Variants in PXDNL observed in about 807,000 individuals in gnomAD.
PXDNL encodes peroxidasin like.
PXDNL carries 145 observed loss-of-function variants against 150.8 expected under a neutral mutation model. The ratio of observed to expected loss-of-function variants is 0.96; its 90% CI spans 0.84 to 1.10. The LOEUF is 1.10. Among genes scored for constraint, PXDNL ranks in the 50% least tolerant of loss-of-function variants. PXDNL has a pLI of 0.00. For missense variants in PXDNL, 2,087 were observed against 1,873.9 expected (o/e 1.11, Z -2.10); for synonymous variants, 757 against 725.7 (o/e 1.04, Z -0.69).
At chr8:51,708,224 AT>A (rs1356117871) in intron 1 of PXDNL, among the ~76,000 whole-genome samples, 3 of 152,346 alleles carry the variant, frequency 2.0e-5, no homozygotes, top group East Asian at 3.9e-4. Context: ...TGATGAGCAC[AT>A]TGATCGTGAT....
At chr8:51,761,750 T>C (rs2037168818) in intron 1 of PXDNL, among the ~76,000 whole-genome samples, 1 of 152,190 alleles carries the variant, frequency 6.6e-6, no homozygotes, top group Non-Finnish European at 1.5e-5. Flanking sequence ...TGAGAAAAGG[T>C]ATTCCAAAGA....
At chr8:51,772,202 C>A (rs1272040675) in intron 1 of PXDNL, among the ~76,000 whole-genome samples, 1 of 150,924 alleles carries the variant, frequency 6.6e-6, no homozygotes, top group African/African-American at 2.4e-5. Flanking sequence ...CTCTCTCTCT[C>A]TGTCTCTGTC....
At chr8:51,349,470 A>G (rs1806267573) in intron 19 of PXDNL, among the ~76,000 whole-genome samples, 1 of 152,218 alleles carries the variant, frequency 6.6e-6, no homozygotes, top group Non-Finnish European at 1.5e-5. Context: ...AGTCGAATGT[A>G]AACTCATTGC....
chr8:51,534,382 C>T (rs1251810066), intron 4 of PXDNL, among the ~76,000 whole-genome samples: 7 of 146,282 alleles, frequency 4.8e-5, no homozygotes, highest in South Asian at 2.2e-4. Flanking sequence ...CCAGGCCAGC[C>T]GCCCAGTCCG....
intron 3 of PXDNL, among the ~76,000 whole-genome samples, chr8:51,562,828 A>G (rs1458597574): frequency 6.6e-6 from 1 of 151,946 alleles, no homozygotes; most frequent in Non-Finnish European, 1.5e-5. Context: ...AAGGCATAAA[A>G]CTAACCTGAC....
intron 1 of PXDNL, among the ~76,000 whole-genome samples, chr8:51,723,017 C>T (rs1326770743): frequency 1.3e-5 from 2 of 151,920 alleles, no homozygotes; most frequent in Non-Finnish European, 2.9e-5. Context: ...AGATTAGGTG[C>T]TGTATGTGGA....
chr8:51,486,774 A>T (rs868454141), intron 5 of PXDNL, among the ~76,000 whole-genome samples: 2 of 8,884 alleles, frequency 2.3e-4, no homozygotes, highest in Admixed American at 1.7e-3. Context: ...ATATATATAT[A>T]TATATATATA....
chr8:51,401,422 A>G (rs1323978389), intron 17 of PXDNL, among the ~76,000 whole-genome samples: 1 of 152,186 alleles, frequency 6.6e-6, no homozygotes, highest in Non-Finnish European at 1.5e-5. Flanking sequence ...AGCAGCAGAG[A>G]CTAGAGATGA....
intron 2 of PXDNL, among the ~76,000 whole-genome samples, chr8:51,645,068 C>A (rs374082892): frequency 6.6e-6 from 1 of 152,026 alleles, no homozygotes; most frequent in African/African-American, 2.4e-5. Flanking sequence ...CAGGAAAGCC[C>A]GTGGTACAGT....
At chr8:51,754,289 T>A (rs1322153855) in intron 1 of PXDNL, among the ~76,000 whole-genome samples, 2 of 152,136 alleles carry the variant, frequency 1.3e-5, no homozygotes, top group Non-Finnish European at 2.9e-5. Flanking sequence ...AGGTGCCAAA[T>A]CCTGTGAGCA....
At chr8:51,713,352 T>C (rs28562283) in intron 1 of PXDNL, among the ~76,000 whole-genome samples, 1,597 of 152,338 alleles carry the variant, frequency 0.01, 24 homozygotes, top group African/African-American at 0.032. Flanking sequence ...TTTAAATTCC[T>C]AGGCAGTCTT....
At chr8:51,334,385 A>C (rs150564694) in intron 21 of PXDNL, among the ~76,000 whole-genome samples, 1 of 152,148 alleles carries the variant, frequency 6.6e-6, no homozygotes, top group Admixed American at 6.6e-5. Flanking sequence ...GCACAAACAG[A>C]CAATCTAAGA....
chr8:51,628,467 G>T (rs1367710967), intron 2 of PXDNL, among the ~76,000 whole-genome samples: 1 of 135,516 alleles, frequency 7.4e-6, no homozygotes. Flanking sequence ...GTACAGTGGC[G>T]CTGTCTCAGC....
At chr8:51,537,915 C>T (rs1812120095) in intron 4 of PXDNL, among the ~76,000 whole-genome samples, 2 of 152,206 alleles carry the variant, frequency 1.3e-5, no homozygotes, top group Non-Finnish European at 2.9e-5. Flanking sequence ...AGCCACACCA[C>T]TTCCAGCTAG....
chr8:51,722,344 T>C (rs557172924), intron 1 of PXDNL, among the ~76,000 whole-genome samples: 1 of 152,328 alleles, frequency 6.6e-6, no homozygotes, highest in Admixed American at 6.5e-5. Flanking sequence ...CCAGAGCTCC[T>C]GGGCTCTGAC....
chr8:51,422,911 A>C (rs527525597), intron 14 of PXDNL, among the ~76,000 whole-genome samples: 1 of 152,220 alleles, frequency 6.6e-6, no homozygotes, highest in Non-Finnish European at 1.5e-5. Context: ...CAGTCTACTC[A>C]AGTCTGCCTA....
chr8:51,800,854 T>A (rs774868242), intron 1 of PXDNL, among the ~76,000 whole-genome samples: 2 of 152,188 alleles, frequency 1.3e-5, no homozygotes, highest in African/African-American at 2.4e-5. Context: ...GGACCACTAT[T>A]GTACAAATTG....
intron 4 of PXDNL, among the ~76,000 whole-genome samples, chr8:51,545,496 T>C (rs1003998920): frequency 6.6e-6 from 1 of 152,180 alleles, no homozygotes; most frequent in Non-Finnish European, 1.5e-5. Context: ...TATCACAGAC[T>C]GGGTAATTTA....
At position 51,409,134 on chromosome 8, in the gene PXDNL, C is replaced by T. The variant is rs1586082115; in HGVS notation, c.2490G>A (p.Arg830=). The T allele has an allele frequency of 6.2e-7, 1 of 1,604,106 alleles. No homozygotes were observed. The highest frequency in any genetic ancestry group is 1.3e-5 in the African/African-American group (1 of 74,872). ...ALSTARFSDG[R]PCSSVCTNDP... is the part of the protein sequence containing the mutation. ...CGTTGGTGCAGACGGAGCTGCACGG[C>T]CGCCCATCCGAGAAGCGGGCTGTGC... Residue 830 remains arginine, a synonymous_variant, in exon 17 of 23, where the codon CGG becomes CGA. Transcript: ENST00000356297.
Sources: gnomAD v4.1 joint callset for allele counts (sites outside exome capture counted in the v4.1 genomes callset) on GRCh38, gnomAD v4.1.1 for gene constraint, MANE v1.5 for transcripts, NCBI Gene and HGNC (gene_info 2026-07-23, HGNC 2026-07-21) for gene names.